Variants in PTPN14 observed in about 807,000 individuals in gnomAD.
PTPN14 encodes tyrosine-protein phosphatase non-receptor type 14.
In PTPN14, 53 loss-of-function variants were observed where a neutral mutation model predicts 126.8. The observed-to-expected ratio is 0.42, with a 90% confidence interval of 0.34 to 0.53. The LOEUF (loss-of-function observed/expected upper bound fraction) is 0.53. PTPN14 is among the 20% of genes least tolerant of loss of function. The probability of loss-of-function intolerance (pLI) is 0.08; values close to 1 mark genes in which losing one functional copy is unlikely to be tolerated. For missense variants in PTPN14, 1,257 were observed against 1,552.9 expected (o/e 0.81, Z 3.20); for synonymous variants, 630 against 599.3 (o/e 1.05, Z -0.75).
At chr1:214,420,897 C>T (rs1659528371) in intron 3 of PTPN14, among the ~76,000 whole-genome samples, 1 of 152,212 alleles carries the variant, frequency 6.6e-6, no homozygotes, top group South Asian at 2.1e-4. Flanking sequence ...AAATAGTTAG[C>T]ATCGAAAGAA....
chr1:214,379,988 C>T (rs1658434893), intron 13 of PTPN14, among the ~76,000 whole-genome samples: 4 of 152,238 alleles, frequency 2.6e-5, no homozygotes, highest in Admixed American at 2.6e-4. Flanking sequence ...TCTGGGTTTA[C>T]AGTACCCAAG....
At chr1:214,516,976 G>T (rs1655119098) in intron 1 of PTPN14, among the ~76,000 whole-genome samples, 1 of 152,034 alleles carries the variant, frequency 6.6e-6, no homozygotes, top group Non-Finnish European at 1.5e-5. Flanking sequence ...CTCTCTCACA[G>T]TTCATGTTCC....
chr1:214,395,035 T>G (rs952500595), intron 8 of PTPN14, 49 bp from the exon 9 acceptor site: 23 of 1,495,624 alleles, frequency 1.5e-5, no homozygotes, highest in Admixed American at 5.0e-5. Flanking sequence ...TTCCAGGCAT[T>G]TATGATACAG....
intron 1 of PTPN14, chr1:214,533,412 C>A (rs1379472011): frequency 9.6e-6 from 4 of 416,292 alleles, no homozygotes; most frequent in South Asian, 8.1e-5. Flanking sequence ...CACCACCTGC[C>A]GCAAAGTGAG....
chr1:214,520,422 A>G (rs1243736102), intron 1 of PTPN14, among the ~76,000 whole-genome samples: 1 of 152,196 alleles, frequency 6.6e-6, no homozygotes, highest in Non-Finnish European at 1.5e-5. Flanking sequence ...CAGATACAAC[A>G]CTAAGAATGG....
intron 1 of PTPN14, among the ~76,000 whole-genome samples, chr1:214,534,192 T>G (rs1655636881): frequency 6.6e-6 from 1 of 152,196 alleles, no homozygotes; most frequent in African/African-American, 2.4e-5. Context: ...GCTGATAGTT[T>G]TTCCAGGGAG....
intron 11 of PTPN14, among the ~76,000 whole-genome samples, chr1:214,389,097 C>T (rs569562914): frequency 3.9e-5 from 6 of 152,248 alleles, no homozygotes; most frequent in South Asian, 2.1e-4. Flanking sequence ...CTTGGCAATA[C>T]ATAATTCAAC....
At chr1:214,518,575 G>C (rs73077984) in intron 1 of PTPN14, among the ~76,000 whole-genome samples, 2,145 of 152,270 alleles carry the variant, frequency 0.014, 17 homozygotes, top group South Asian at 0.029. Flanking sequence ...CATACAGAGA[G>C]GATGAGACTT....
At chr1:214,507,220 G>A (rs1571631450) in intron 1 of PTPN14, among the ~76,000 whole-genome samples, 1 of 152,130 alleles carries the variant, frequency 6.6e-6, no homozygotes, top group Non-Finnish European at 1.5e-5. Flanking sequence ...CTGAGCAGTA[G>A]GTCTCATCAA....
chr1:214,364,732 T>C lies in PTPN14; in HGVS notation c.3272-57A>G, dbSNP rs1431774924. 1.1e-5 allele frequency: 17 copies of C among 1,550,336 alleles called. No homozygotes were observed. Among genetic ancestry groups the C allele is most frequent in the Non-Finnish European group, 1.2e-5 (14 of 1,146,424 alleles). ...AGTCCTCCATGGCTTCGCATGTAAG[T>C]TGGGGAGGGGGGAGCGGAAGAGAAC... On this transcript the variant is annotated intron_variant, in intron 17 of 18. Coordinates refer to ENST00000366956, the MANE Select transcript of PTPN14 (RefSeq NM_005401.5). The surrounding 1 kb of genome is among the most constrained non-coding windows in gnomAD (Gnocchi z 4.1).
At chr1:214,450,146 A>AAATG (rs1156520193) in intron 3 of PTPN14, among the ~76,000 whole-genome samples, 1 of 145,820 alleles carries the variant, frequency 6.9e-6, no homozygotes, top group East Asian at 2.0e-4. Flanking sequence ...ATAAATAAAT[A>AAATG]AATAAATAAA....
chr1:214,473,960 T>C (rs1223115526), intron 1 of PTPN14, among the ~76,000 whole-genome samples: 1 of 152,236 alleles, frequency 6.6e-6, no homozygotes, highest in Non-Finnish European at 1.5e-5. Context: ...CTTTAGTTGC[T>C]AATGAAAATA....
chr1:214,473,638 G>C (rs1660808441), intron 1 of PTPN14, among the ~76,000 whole-genome samples: 1 of 152,172 alleles, frequency 6.6e-6, no homozygotes. Flanking sequence ...GATGCAACTA[G>C]TCTGTGCTGT....
chr1:214,463,285 T>C (rs780797825), intron 2 of PTPN14, among the ~76,000 whole-genome samples: 1 of 150,620 alleles, frequency 6.6e-6, no homozygotes, highest in Non-Finnish European at 1.5e-5. Context: ...TGCAAATGTG[T>C]GTTTAAATGT....
intron 3 of PTPN14, among the ~76,000 whole-genome samples, chr1:214,416,144 A>T (rs1246871608): frequency 6.6e-6 from 1 of 152,230 alleles, no homozygotes; most frequent in Non-Finnish European, 1.5e-5. Flanking sequence ...AGTCTGCTAG[A>T]TGCTGAGTAG....
chr1:214,485,285 G>A (rs1361289394), intron 1 of PTPN14, among the ~76,000 whole-genome samples: 1 of 152,174 alleles, frequency 6.6e-6, no homozygotes, highest in Non-Finnish European at 1.5e-5. Context: ...CTCCCAGGAA[G>A]CTGCCACAAG....
intron 1 of PTPN14, among the ~76,000 whole-genome samples, chr1:214,504,409 T>A (rs1043169416): frequency 3.3e-5 from 5 of 152,158 alleles, no homozygotes; most frequent in Admixed American, 6.5e-5. Context: ...TCTCTCCTGA[T>A]CTTACAGCAA....
chr1:214,401,318 G>A (rs540503997), intron 7 of PTPN14, among the ~76,000 whole-genome samples: 1 of 152,308 alleles, frequency 6.6e-6, no homozygotes, highest in East Asian at 1.9e-4. Context: ...GCTCAATGAA[G>A]AGAAAAAGAG....
At chr1:214,377,360 C>A (rs543709260) in intron 14 of PTPN14, among the ~76,000 whole-genome samples, 22 of 151,996 alleles carry the variant, frequency 1.4e-4, no homozygotes, top group Non-Finnish European at 2.5e-4. Flanking sequence ...ACAACAGACA[C>A]TGGGGCCTAC....
Sources: gnomAD v4.1 joint callset for allele counts (sites outside exome capture counted in the v4.1 genomes callset) on GRCh38, gnomAD v4.1.1 for gene constraint, Gnocchi (gnomAD v3.1) non-coding constraint, MANE v1.5 for transcripts, NCBI Gene and HGNC (gene_info 2026-07-23, HGNC 2026-07-21) for gene names.